RNMT: variants seen among roughly 807,000 people sequenced by gnomAD.
The protein encoded by RNMT is mRNA cap guanine-N(7) methyltransferase.
Under a neutral mutation model 56.0 loss-of-function variants are expected in RNMT, and 27 were observed. The observed-to-expected ratio is 0.48, with a 90% CI of 0.36 to 0.67. The LOEUF (loss-of-function observed/expected upper bound fraction) is 0.67. Among genes scored for constraint, RNMT ranks in the 30% least tolerant of loss-of-function variants. The pLI, the probability that RNMT is intolerant of heterozygous loss-of-function variation, is 0.00. For missense variants in RNMT, 519 were observed against 552.1 expected, an observed-to-expected ratio of 0.94 and a Z score of 0.60; for synonymous variants, 184 against 176.2, an observed-to-expected ratio of 1.04 and a Z score of -0.35.
At chr18:13,748,668 T>C (rs1568509952) in intron 9 of RNMT, among the ~76,000 whole-genome samples, 2 of 152,228 alleles carry the variant, frequency 1.3e-5, no homozygotes, top group East Asian at 3.8e-4. Flanking sequence ...TGAAAAGATG[T>C]AGGCCATGGA....
chr18:13,739,026 C>T (rs1251368954), intron 5 of RNMT, among the ~76,000 whole-genome samples: 2 of 152,188 alleles, frequency 1.3e-5, no homozygotes, highest in Admixed American at 6.5e-5. Context: ...ACTGGTTTGT[C>T]GCCCAAGGGT....
chr18:13,748,079 A>G (rs990137127), intron 9 of RNMT, among the ~76,000 whole-genome samples: 2 of 152,258 alleles, frequency 1.3e-5, no homozygotes, highest in African/African-American at 2.4e-5. Flanking sequence ...AATGCAGTCC[A>G]TGATGGGAAC....
intron 10 of RNMT, among the ~76,000 whole-genome samples, chr18:13,753,017 A>G (rs2044477519): frequency 6.6e-6 from 1 of 152,218 alleles, no homozygotes; most frequent in Admixed American, 6.5e-5. Context: ...CATATCTTTA[A>G]TATTTTGATA....
chr18:13,734,251 T>C (rs575749920), intron 3 of RNMT, among the ~76,000 whole-genome samples: 233 of 152,326 alleles, frequency 1.5e-3, no homozygotes, highest in African/African-American at 5.2e-3. Flanking sequence ...GGTACGTCTT[T>C]AGCAGCAACA....
intron 8 of RNMT, among the ~76,000 whole-genome samples, chr18:13,743,288 G>A (rs1173611284): frequency 4.8e-5 from 7 of 144,844 alleles, no homozygotes; most frequent in Non-Finnish European, 7.5e-5. Flanking sequence ...GCGCCACTGC[G>A]CTCCAGCCTG....
Position 13,740,150 on chromosome 18 carries a change from CCCTTCCAT to C in RNMT, c.680-9_680-2del. On this transcript the variant is annotated splice_polypyrimidine_tract_variant and intron_variant, in intron 5 of 11. Coordinates refer to ENST00000383314, the MANE Select transcript of RNMT (RefSeq NM_003799.3). ...CATTCTGTGTTGATACTTACTAATA[CCCTTCCAT>C]CCTTCCAGATATTGCCGATGTTTCT... 1 of 1,457,524 alleles carries C rather than the reference CCCTTCCAT, an allele frequency of 6.9e-7. No individual in the cohort carries two copies. The highest frequency in any genetic ancestry group is 9.6e-7 in the Non-Finnish European group (1 of 1,038,628). 90.3% of individuals were successfully genotyped at this position (1,457,524 alleles called of 1,614,324 possible).
In RNMT at chr18:13,760,478, A is replaced by G; in HGVS notation, c.*499A>G. ...TATGTATTGCTGAAGTTATAAGTTT[A>G]AAACTCAATTTCAGATGCTCATAAA... On this transcript the variant is annotated 3_prime_UTR_variant, in exon 12 of 12. Transcript: ENST00000383314. 1.0e-6 allele frequency: 1 copy of G among 985,674 alleles called. No homozygotes were observed. The highest frequency in any genetic ancestry group is 1.2e-6 in the Non-Finnish European group (1 of 829,716). The allele number at this position is 985,674 out of a possible 1,614,324, so 61.1% of individuals were successfully genotyped here.
In RNMT at chr18:13,762,114, CAG is replaced by C; in HGVS notation, c.*2136_*2137del. 2 of 1,535,944 alleles carry C rather than the reference CAG, an allele frequency of 1.3e-6. No homozygotes were observed. Among genetic ancestry groups the C allele is most frequent in the Non-Finnish European group, 8.7e-7 (1 of 1,146,842 alleles). ...GGAAGAGCACCTGTTGCTGCAAGCT[CAG>C]TGAAGTGGGGCACTCCCAGACCTGC... is the stretch of plus-strand genomic sequence containing the variant. On this transcript the variant is annotated 3_prime_UTR_variant, in exon 12 of 12. Transcript: ENST00000383314.
chr18:13,737,098 A>G lies in RNMT; in HGVS notation c.642A>G (p.Lys214=). Reference sequence around the variant, plus strand: ...GTGGTAAAGGTGGAGATTTGCTGAAATGGAAAAAAGGAAGAATTAACAAGC... The same window carrying G: ...GTGGTAAAGGTGGAGATTTGCTGAAGTGGAAAAAAGGAAGAATTAACAAGC... ...LGCGKGGDLL[K]WKKGRINKLV... Residue 214 remains lysine, a synonymous_variant, in exon 5 of 12, where the codon AAA becomes AAG. Transcript: ENST00000383314. 1 of 1,612,748 alleles carries G rather than the reference A, an allele frequency of 6.2e-7. No homozygotes were observed. The highest frequency in any genetic ancestry group is 1.1e-5 in the South Asian group (1 of 90,958).
Position 13,760,600 on chromosome 18 carries a change from A to G in RNMT, c.*621A>G. ...TGGTTAGAACATTTTAAGTGGCAGC[A>G]TAGAATTTTGGAATTTTGGGGCTTT... On this transcript the variant is annotated 3_prime_UTR_variant, in exon 12 of 12. Transcript: ENST00000383314. 1.0e-6 allele frequency: 1 copy of G among 985,586 alleles called. No homozygotes were observed. The allele number at this position is 985,586 out of a possible 1,614,324, so 61.1% of individuals were successfully genotyped here. A position where few individuals can be genotyped will look rare whatever the true frequency, so the allele number is the denominator to read the frequency against.
intron 11 of RNMT, among the ~76,000 whole-genome samples, chr18:13,757,631 C>T (rs550577387): frequency 6.6e-6 from 1 of 152,316 alleles, no homozygotes; most frequent in African/African-American, 2.4e-5. Flanking sequence ...TTGTTGCCAT[C>T]CCGTCTGCAG....
chr18:13,761,958 T>G lies in RNMT; in HGVS notation c.*1979T>G. 1 of 1,437,846 alleles carries G rather than the reference T, an allele frequency of 7.0e-7. No homozygotes were observed. The highest frequency in any genetic ancestry group is 3.2e-5 in the East Asian group (1 of 31,108). 89.1% of individuals were successfully genotyped at this position (1,437,846 alleles called of 1,614,324 possible). A position where few individuals can be genotyped will look rare whatever the true frequency, so the allele number is the denominator to read the frequency against. On this transcript the variant is annotated 3_prime_UTR_variant, in exon 12 of 12. Transcript: ENST00000383314. Reference sequence around the variant, plus strand: ...GAAAAGGCTTCCCCTGCCTATCCTCTCCGATCACCAAGGTGGAAGGGAGCT... The same window carrying G: ...GAAAAGGCTTCCCCTGCCTATCCTCGCCGATCACCAAGGTGGAAGGGAGCT...
intron 9 of RNMT, among the ~76,000 whole-genome samples, chr18:13,750,965 C>G (rs2044432986): frequency 1.3e-5 from 2 of 152,068 alleles, no homozygotes; most frequent in African/African-American, 2.4e-5. Flanking sequence ...AAAATTAACT[C>G]AAGATGGATT....
At position 13,761,904 on chromosome 18, in the gene RNMT, T is replaced by A; in HGVS notation, c.*1925T>A. 2 of 1,329,874 alleles carry A rather than the reference T, an allele frequency of 1.5e-6. No homozygotes were observed. The highest frequency in any genetic ancestry group is 2.8e-4 in the Middle Eastern group (1 of 3,524). The allele number at this position is 1,329,874 out of a possible 1,614,324, so 82.4% of individuals were successfully genotyped here. A position where few individuals can be genotyped will look rare whatever the true frequency, so the allele number is the denominator to read the frequency against. On this transcript the variant is annotated 3_prime_UTR_variant, in exon 12 of 12. Transcript: ENST00000383314. Reference sequence around the variant, plus strand: ...TTGTTACAATTAAGTTTCTGGATATTGACTTAAGAACTGTTAGGAAGAGGA... The same window carrying A: ...TTGTTACAATTAAGTTTCTGGATATAGACTTAAGAACTGTTAGGAAGAGGA...
At chr18:13,746,395 T>C in intron 9 of RNMT, 58 bp downstream of exon 9, 2 of 957,860 alleles carry the variant, frequency 2.1e-6, no homozygotes, top group Admixed American at 2.0e-5. Flanking sequence ...TTGGCTGTTC[T>C]TGAGATCCTT....
At chr18:13,741,793 T>C in intron 7 of RNMT, 102 bp downstream of exon 7, 1 of 666,694 alleles carries the variant, frequency 1.5e-6, no homozygotes, top group Non-Finnish European at 2.4e-6. Context: ...TTTAATCTTA[T>C]AAGTGTTGAA....
chr18:13,747,083 T>C (rs1055054707), intron 9 of RNMT, among the ~76,000 whole-genome samples: 1 of 152,248 alleles, frequency 6.6e-6, no homozygotes, highest in Non-Finnish European at 1.5e-5. Flanking sequence ...AGTAGAATCA[T>C]ATTCATCAAA....
In RNMT at chr18:13,734,655, A is replaced by G. The variant is rs192679232; in HGVS notation, c.553+56A>G. On this transcript the variant is annotated intron_variant, in intron 4 of 11. Coordinates refer to ENST00000383314, the MANE Select transcript of RNMT (RefSeq NM_003799.3). ...TAATTCCTATTCATTTAATTATCAA[A>G]CCTTGACTTTATAAAGCTAGAGCCA... The G allele has an allele frequency of 1.8e-4, 256 of 1,415,442 alleles. No individual in the cohort carries two copies. The African/African-American group carries it at 3.6e-3, about 20-fold the overall frequency. The allele number at this position is 1,415,442 out of a possible 1,614,324, so 87.7% of individuals were successfully genotyped here.
chr18:13,749,003 C>T (rs1274830745), intron 9 of RNMT, among the ~76,000 whole-genome samples: 3 of 152,124 alleles, frequency 2.0e-5, no homozygotes, highest in African/African-American at 4.8e-5. Context: ...CACTTGAACC[C>T]GGGAGGTGGA....
Sources: gnomAD v4.1 joint callset for allele counts (sites outside exome capture counted in the v4.1 genomes callset) on GRCh38, gnomAD v4.1.1 for gene constraint, MANE v1.5 for transcripts, NCBI Gene and HGNC (gene_info 2026-07-23, HGNC 2026-07-21) for gene names.